PRIMA1: variants seen among roughly 807,000 people sequenced by gnomAD.
PRIMA1 encodes the protein proline-rich membrane anchor 1.
A neutral mutation model predicts 17.5 loss-of-function variants in PRIMA1; 7 were observed. That is an observed-to-expected ratio of 0.40 (90% CI 0.23 to 0.75). The LOEUF is 0.75. PRIMA1 is among the 30% of genes least tolerant of loss of function. The pLI is 0.37. For synonymous variants in PRIMA1, 97 were observed against 77.9 expected (o/e 1.25, Z -1.29); for missense variants, 200 against 201.8 (o/e 0.99, Z 0.05).
intron 3 of PRIMA1, among the ~76,000 whole-genome samples, chr14:93,758,163 C>T (rs997200914): frequency 1.3e-5 from 2 of 152,212 alleles, no homozygotes; most frequent in Admixed American, 6.5e-5. Flanking sequence ...TCAGCTTACT[C>T]GGCTCTGCCA....
rs2076053783 is a variant in PRIMA1 at position 93,723,208 on chromosome 14, GC to G, written c.360-1663del. Among the ~76,000 whole-genome samples the G allele has an allele frequency of 2.0e-5, 3 of 152,274 alleles. No individual in the cohort carries two copies. The South Asian group carries it at 6.2e-4, about 32-fold the overall frequency. ...CTCATCCCCACGGGGCTGTAGCCCAGCCCCCTCCAGGGTTCCCAGGGGTGCC... is the reference window on the plus strand; with the variant it reads ...CTCATCCCCACGGGGCTGTAGCCCAGCCCCTCCAGGGTTCCCAGGGGTGCC... On this transcript the variant is annotated intron_variant, in intron 4 of 4. Transcript: ENST00000393140.
intron 2 of PRIMA1, among the ~76,000 whole-genome samples, chr14:93,783,056 C>T (rs1478635528): frequency 1.3e-5 from 2 of 152,232 alleles, no homozygotes; most frequent in Admixed American, 6.5e-5. Context: ...CCAAATTAGA[C>T]TCACCTGCTC....
At chr14:93,732,926 C>T (rs532548033) in intron 4 of PRIMA1, among the ~76,000 whole-genome samples, 24 of 152,296 alleles carry the variant, frequency 1.6e-4, no homozygotes, top group Non-Finnish European at 2.6e-4. Context: ...AACATGTGCC[C>T]GTCAGGCCTA....
intron 3 of PRIMA1, among the ~76,000 whole-genome samples, chr14:93,766,184 T>A (rs1884889067): frequency 6.6e-6 from 1 of 152,134 alleles, no homozygotes; most frequent in South Asian, 2.1e-4. Flanking sequence ...AACCAATGCC[T>A]CCTCATGGTT....
intron 4 of PRIMA1, among the ~76,000 whole-genome samples, chr14:93,735,006 TGA>T (rs1482782628): frequency 6.6e-6 from 1 of 152,130 alleles, no homozygotes; most frequent in East Asian, 1.9e-4. Flanking sequence ...GCTATTAATG[TGA>T]GTTTGTTCTC....
At chr14:93,782,192 C>T (rs764400243) in intron 2 of PRIMA1, among the ~76,000 whole-genome samples, 5 of 152,264 alleles carry the variant, frequency 3.3e-5, no homozygotes, top group Admixed American at 2.0e-4. Flanking sequence ...GGCGTGAACA[C>T]GGGAGGCGGA....
Position 93,718,375 on chromosome 14 carries a change from T to G in PRIMA1, c.*3069A>C, listed in dbSNP as rs1260017862. 6.6e-6 allele frequency: 1 copy of G among 152,372 alleles called. No homozygotes were observed. Among genetic ancestry groups the G allele is most frequent in the Non-Finnish European group, 1.5e-5 (1 of 68,044 alleles). 9.4% of individuals were successfully genotyped at this position (152,372 alleles called of 1,614,324 possible). On this transcript the variant is annotated 3_prime_UTR_variant, in exon 5 of 5. Coordinates refer to ENST00000393140, the MANE Select transcript of PRIMA1 (RefSeq NM_178013.4). ...ATAAGTGGCATATGGACACCCCCAG[T>G]GCTGCCGGTCTCGCTTCCGGTACAA...
chr14:93,772,678 C>T (rs1885104091), intron 3 of PRIMA1, among the ~76,000 whole-genome samples: 1 of 152,256 alleles, frequency 6.6e-6, no homozygotes, highest in African/African-American at 2.4e-5. Context: ...TCCGTTGACA[C>T]TGAGGATCAC....
At chr14:93,728,813 A>G (rs901954214) in intron 4 of PRIMA1, among the ~76,000 whole-genome samples, 7 of 152,150 alleles carry the variant, frequency 4.6e-5, no homozygotes, top group African/African-American at 1.7e-4. Context: ...CCTGGGCTCC[A>G]TGCGCCCCAC....
intron 4 of PRIMA1, among the ~76,000 whole-genome samples, chr14:93,722,750 TG>T (rs2076049629): frequency 3.9e-5 from 6 of 152,068 alleles, no homozygotes; most frequent in South Asian, 4.2e-4. Flanking sequence ...ACAGTGGTGG[TG>T]ATGGAGGTGA....
At position 93,787,752 on chromosome 14, in the gene PRIMA1, G is replaced by A; in HGVS notation, c.-31-3C>T. ...GCGGCGCCCGCTCCTGGGGCGAACT[G>A]TCAGGAGAGCAAGGCTAGGGTCAGG... On this transcript the variant is annotated splice_polypyrimidine_tract_variant and splice_region_variant and intron_variant, in intron 1 of 4. Coordinates refer to ENST00000393140, the MANE Select transcript of PRIMA1 (RefSeq NM_178013.4). 1 of 1,538,848 alleles carries A rather than the reference G, an allele frequency of 6.5e-7. No homozygotes were observed. The highest frequency in any genetic ancestry group is 8.7e-7 in the Non-Finnish European group (1 of 1,145,554).
intron 4 of PRIMA1, among the ~76,000 whole-genome samples, chr14:93,733,497 C>T (rs1008758333): frequency 8.6e-5 from 13 of 151,994 alleles, no homozygotes; most frequent in African/African-American, 3.1e-4. Context: ...TGCCGAGGCC[C>T]GTGTCCCGGC....
chr14:93,724,528 G>C (rs572322342), intron 4 of PRIMA1, among the ~76,000 whole-genome samples: 6 of 152,294 alleles, frequency 3.9e-5, no homozygotes, highest in African/African-American at 1.4e-4. Context: ...AAGCAGCTCT[G>C]ATGTTGCTGG....
At chr14:93,772,804 AGAGTGTCTAATCT>A (rs1398012686) in intron 3 of PRIMA1, among the ~76,000 whole-genome samples, 1 of 152,204 alleles carries the variant, frequency 6.6e-6, no homozygotes, top group East Asian at 1.9e-4. Flanking sequence ...TCTCATCCTC[AGAGTGTCTAATCT>A]GATGCTCCTA....
chr14:93,773,577 G>A (rs930823039), intron 3 of PRIMA1, among the ~76,000 whole-genome samples: 1 of 152,228 alleles, frequency 6.6e-6, no homozygotes, highest in Admixed American at 6.5e-5. Flanking sequence ...CTCAAAGTGA[G>A]GGTTGTGGGC....
chr14:93,727,506 C>T (rs1043699072), intron 4 of PRIMA1, among the ~76,000 whole-genome samples: 7 of 152,282 alleles, frequency 4.6e-5, no homozygotes, highest in Non-Finnish European at 1.0e-4. Flanking sequence ...GGATGGAGAT[C>T]CCTGCTGGGG....
intron 3 of PRIMA1, among the ~76,000 whole-genome samples, chr14:93,754,924 A>G (rs1319573037): frequency 6.6e-6 from 1 of 152,194 alleles, no homozygotes; most frequent in East Asian, 1.9e-4. Context: ...TTAGAAAACC[A>G]AAGTTACCAG....
chr14:93,725,636 A>G (rs1372591929), intron 4 of PRIMA1, among the ~76,000 whole-genome samples: 1 of 152,142 alleles, frequency 6.6e-6, no homozygotes, highest in African/African-American at 2.4e-5. Context: ...TGAGCACAAT[A>G]GTGGTGTCCA....
At chr14:93,764,315 C>G (rs974927415) in intron 3 of PRIMA1, among the ~76,000 whole-genome samples, 1 of 139,036 alleles carries the variant, frequency 7.2e-6, no homozygotes, top group Non-Finnish European at 1.5e-5. Context: ...AGAATCGTCT[C>G]CCATCCCAGC....
Sources: allele counts gnomAD v4.1 joint callset (sites outside exome capture counted in the v4.1 genomes callset), GRCh38; gene constraint gnomAD v4.1.1; transcripts MANE v1.5; gene names NCBI Gene and HGNC (gene_info 2026-07-23, HGNC 2026-07-21).